The following ASCC3 variants were observed in gnomAD, a reference collection of about 807,000 sequenced individuals.
The protein encoded by ASCC3 is ASC-1 complex subunit P200.
Under a neutral mutation model 256.3 loss-of-function variants are expected in ASCC3, and 158 were observed. That is an observed-to-expected ratio of 0.62 (90% CI 0.54 to 0.70). The LOEUF (loss-of-function observed/expected upper bound fraction) is 0.70. Among genes scored for constraint, ASCC3 ranks in the 30% least tolerant of loss-of-function variants. The pLI, the probability that ASCC3 is intolerant of heterozygous loss-of-function variation, is 0.00. For missense variants in ASCC3, 2,259 were observed against 2,626.0 expected (o/e 0.86, Z 3.05); for synonymous variants, 948 against 883.4 (o/e 1.07, Z -1.30).
At chr6:100,783,428 C>G (rs553063779) in intron 8 of ASCC3, among the ~76,000 whole-genome samples, 1 of 152,158 alleles carries the variant, frequency 6.6e-6, no homozygotes, top group Non-Finnish European at 1.5e-5. Context: ...AACTGCAAGC[C>G]TAAATCACAT....
intron 10 of ASCC3, among the ~76,000 whole-genome samples, chr6:100,764,499 A>C (rs918766089): frequency 2.6e-5 from 4 of 152,226 alleles, no homozygotes; most frequent in African/African-American, 9.6e-5. Flanking sequence ...CTGGGAGATA[A>C]GGTTGAAAAC....
intron 10 of ASCC3, among the ~76,000 whole-genome samples, chr6:100,752,354 C>G (rs1562271958): frequency 6.6e-6 from 1 of 152,034 alleles, no homozygotes; most frequent in Non-Finnish European, 1.5e-5. Context: ...CTAAGTACAG[C>G]ACATTTAAAG....
At chr6:100,528,317 C>T (rs1202353706) in intron 37 of ASCC3, among the ~76,000 whole-genome samples, 1 of 152,104 alleles carries the variant, frequency 6.6e-6, no homozygotes, top group East Asian at 1.9e-4. Flanking sequence ...GAAGTTTAGG[C>T]TAAACAACAA....
intron 13 of ASCC3, among the ~76,000 whole-genome samples, chr6:100,701,696 T>G (rs1778361807): frequency 6.6e-6 from 1 of 152,120 alleles, no homozygotes; most frequent in Non-Finnish European, 1.5e-5. Flanking sequence ...TGTAAAACTA[T>G]AGCTGGAATT....
intron 1 of ASCC3, among the ~76,000 whole-genome samples, chr6:100,871,444 G>T (rs1773739077): frequency 6.6e-6 from 1 of 151,932 alleles, no homozygotes; most frequent in Non-Finnish European, 1.5e-5. Context: ...AGCCAATAAT[G>T]GCCAAGGAAG....
intron 4 of ASCC3, among the ~76,000 whole-genome samples, chr6:100,833,098 T>C (rs1771699529): frequency 6.6e-6 from 1 of 152,128 alleles, no homozygotes; most frequent in Non-Finnish European, 1.5e-5. Context: ...ACTATATCTG[T>C]ATAATGGAGT....
intron 30 of ASCC3, 43 bp downstream of exon 30, chr6:100,625,149 A>G: frequency 1.2e-6 from 2 of 1,605,966 alleles, no homozygotes; most frequent in African/African-American, 2.7e-5. Context: ...ATATAATACA[A>G]CCTGAAACGT....
intron 3 of ASCC3, chr6:100,857,696 A>G (rs1258695389): frequency 6.6e-6 from 1 of 151,996 alleles, no homozygotes; most frequent in Non-Finnish European, 1.5e-5. Flanking sequence ...CTGTCATACT[A>G]GTCCATTTGC....
chr6:100,878,475 T>C (rs1554252227), intron 1 of ASCC3, among the ~76,000 whole-genome samples: 1 of 150,726 alleles, frequency 6.6e-6, no homozygotes, highest in South Asian at 2.1e-4. Flanking sequence ...GGAAAACAAA[T>C]AAAAAAAAAT....
chr6:100,858,982 T>A, intron 3 of ASCC3: 1 of 672,042 alleles, frequency 1.5e-6, no homozygotes, highest in African/African-American at 1.8e-5. Context: ...TATGACATTC[T>A]CCATTAAAGC....
chr6:100,742,378 T>C (rs1179399491), intron 10 of ASCC3, among the ~76,000 whole-genome samples: 2 of 152,322 alleles, frequency 1.3e-5, no homozygotes, highest in East Asian at 3.9e-4. Flanking sequence ...AGATACATTC[T>C]GGCTGCTTTT....
At chr6:100,698,833 C>A (rs975299321) in intron 13 of ASCC3, among the ~76,000 whole-genome samples, 1 of 152,090 alleles carries the variant, frequency 6.6e-6, no homozygotes, top group African/African-American at 2.4e-5. Flanking sequence ...TACCAAAGAA[C>A]TAATAATTAT....
chr6:100,618,534 T>A lies in ASCC3; in HGVS notation c.4785+6658A>T, dbSNP rs563599919. ...TCCCAGGCCACAGTGTTTTATGCAATAGGTTATGTACTCAGTGGCCAAAGT... is the reference window on the plus strand; with the variant it reads ...TCCCAGGCCACAGTGTTTTATGCAAAAGGTTATGTACTCAGTGGCCAAAGT... On this transcript the variant is annotated intron_variant, in intron 30 of 41. Transcript: ENST00000369162. Among the ~76,000 whole-genome samples the A allele has an allele frequency of 1.8e-4, 28 of 152,292 alleles. No individual in the cohort carries two copies. The South Asian group carries it at 5.8e-3, about 32-fold the overall frequency.
chr6:100,546,899 A>G (rs1469973988), intron 36 of ASCC3, among the ~76,000 whole-genome samples: 1 of 152,132 alleles, frequency 6.6e-6, no homozygotes, highest in East Asian at 1.9e-4. Context: ...GGAAAAAAAT[A>G]TCTAGTGTTC....
chr6:100,638,248 T>G (rs1774941483), intron 25 of ASCC3, among the ~76,000 whole-genome samples: 1 of 152,198 alleles, frequency 6.6e-6, no homozygotes, highest in Non-Finnish European at 1.5e-5. Context: ...CTGAGATGAT[T>G]GATAATATTT....
At chr6:100,875,462 T>C (rs547897767) in intron 1 of ASCC3, among the ~76,000 whole-genome samples, 1 of 152,360 alleles carries the variant, frequency 6.6e-6, no homozygotes, top group East Asian at 1.9e-4. Context: ...CACTTCATCA[T>C]AGTTAAAACC....
chr6:100,755,169 C>CT (rs989961388), intron 10 of ASCC3, among the ~76,000 whole-genome samples: 1 of 152,064 alleles, frequency 6.6e-6, no homozygotes, highest in African/African-American at 2.4e-5. Flanking sequence ...CACTGGAACA[C>CT]TCTTTTGCTA....
At chr6:100,534,503 G>C (rs1339756598) in intron 37 of ASCC3, among the ~76,000 whole-genome samples, 1 of 152,108 alleles carries the variant, frequency 6.6e-6, no homozygotes, top group Non-Finnish European at 1.5e-5. Flanking sequence ...AATACATTTT[G>C]CAGTTAATAT....
chr6:100,772,470 C>T (rs1336371124), intron 8 of ASCC3, among the ~76,000 whole-genome samples: 2 of 152,152 alleles, frequency 1.3e-5, no homozygotes, highest in Non-Finnish European at 2.9e-5. Context: ...GAATACTACA[C>T]AGCATTAAAA....
Sources: gnomAD v4.1 joint callset for allele counts (sites outside exome capture counted in the v4.1 genomes callset) on GRCh38, gnomAD v4.1.1 for gene constraint, MANE v1.5 for transcripts, NCBI Gene and HGNC (gene_info 2026-07-23, HGNC 2026-07-21) for gene names.